SECISBP2: variants seen among roughly 807,000 people sequenced by gnomAD.
SECISBP2 encodes the protein selenocysteine insertion sequence-binding protein 2.
A neutral mutation model predicts 98.2 loss-of-function variants in SECISBP2; 96 were observed. The observed-to-expected ratio is 0.98, with a 90% CI of 0.83 to 1.16. SECISBP2 has a LOEUF of 1.16. SECISBP2 is among the 50% of genes most tolerant of loss of function. SECISBP2 has a pLI of 0.00. For synonymous variants in SECISBP2, 407 were observed against 370.2 expected, an observed-to-expected ratio of 1.10 and a Z score of -1.14; for missense variants, 1,046 against 1,022.9, an observed-to-expected ratio of 1.02 and a Z score of -0.31.
downstream of SECISBP2, among the ~76,000 whole-genome samples, chr9:89,360,563 AG>A (rs1832684332): frequency 6.6e-6 from 1 of 152,242 alleles, no homozygotes; most frequent in East Asian, 1.9e-4. Context: ...TAAACAGAGT[AG>A]GTAGGCTTTT....
downstream of SECISBP2, chr9:89,363,976 C>CT: frequency 6.2e-7 from 1 of 1,613,964 alleles, no homozygotes; most frequent in Admixed American, 1.7e-5. Flanking sequence ...GTTTCCACCT[C>CT]TGAGTCCACA....
chr9:89,319,024 C>T, intron 1 of SECISBP2: 1 of 1,027,202 alleles, frequency 9.7e-7, no homozygotes, highest in Non-Finnish European at 1.2e-6. Context: ...GGAGCCCTGG[C>T]GATCGCTTGC....
At chr9:89,366,594 C>T in the SECISBP2 span, among the ~76,000 whole-genome samples, 9 of 152,268 alleles carry the variant, frequency 5.9e-5, no homozygotes, top group East Asian at 1.9e-4. Context: ...CAGATAATTC[C>T]ATGTATCTAT....
At chr9:89,322,044 A>G (rs1172013764) in intron 2 of SECISBP2, among the ~76,000 whole-genome samples, 1 of 152,224 alleles carries the variant, frequency 6.6e-6, no homozygotes, top group African/African-American at 2.4e-5. Flanking sequence ...TCCTTAAAGA[A>G]GGTATAGTAA....
At chr9:89,364,690 A>G in the SECISBP2 span, 5 of 154,334 alleles carry the variant, frequency 3.2e-5, no homozygotes, top group South Asian at 2.0e-4. Flanking sequence ...TAGAGAGGCC[A>G]GTTACTTCAC....
In SECISBP2 at chr9:89,332,807, A is replaced by G; in HGVS notation, c.802-101A>G. The G allele has an allele frequency of 5.4e-6, 5 of 928,470 alleles. No individual in the cohort carries two copies. The South Asian group carries it at 5.5e-5, about 10-fold the overall frequency. 57.5% of individuals were successfully genotyped at this position (928,470 alleles called of 1,614,324 possible). A position where few individuals can be genotyped will look rare whatever the true frequency, so the allele number is the denominator to read the frequency against. ...TTTTCATTCTTACCAGCAATGGATA[A>G]GGATTTCTGTTGTCAAAGTGTTCTG... is the stretch of plus-strand genomic sequence containing the variant. On this transcript the variant is annotated intron_variant, in intron 5 of 16. Transcript: ENST00000375807.
At chr9:89,342,541 A>G (rs1210258903) in intron 10 of SECISBP2, among the ~76,000 whole-genome samples, 1 of 152,266 alleles carries the variant, frequency 6.6e-6, no homozygotes, top group African/African-American at 2.4e-5. Flanking sequence ...TTACCACATA[A>G]TGGTGTAAAC....
Position 89,357,446 on chromosome 9 carries a change from T to A in SECISBP2, c.2149T>A (p.Tyr717Asn). ...LDDTLHTIID[Y>N]ACEQNIPFVF... ...TGACACTTTGCACACAATTATTGAT[T>A]ATGCCTGTGAGCAGAACATTCCCTT... The change falls in exon 15 of 17, where the codon TAT (tyrosine) becomes AAT (asparagine). Residue 717 changes from tyrosine to asparagine, a missense_variant. Physicochemically the swap from Tyr to Asn is moderately radical, Grantham distance 143 (BLOSUM62 -2). Transcript: ENST00000375807. 1 of 1,614,170 alleles carries A rather than the reference T, an allele frequency of 6.2e-7. No individual in the cohort carries two copies. Among genetic ancestry groups the A allele is most frequent in the Middle Eastern group, 1.6e-4 (1 of 6,062 alleles).
Position 89,349,933 on chromosome 9 carries a change from A to G in SECISBP2, c.1892+4A>G. 1 of 1,613,906 alleles carries G rather than the reference A, an allele frequency of 6.2e-7. No homozygotes were observed. On this transcript the variant is annotated splice_donor_region_variant and intron_variant, in intron 13 of 16. Coordinates refer to ENST00000375807, the MANE Select transcript of SECISBP2 (RefSeq NM_024077.5). ...TCCACAGCCGCAGATTCAGGGAGTG[A>G]GTGAGCCCCTGCCTGCCAGGGACTA... is the stretch of plus-strand genomic sequence containing the variant.
At chr9:89,355,773 G>A (rs1269953067) in intron 14 of SECISBP2, among the ~76,000 whole-genome samples, 1 of 152,100 alleles carries the variant, frequency 6.6e-6, no homozygotes, top group Non-Finnish European at 1.5e-5. Flanking sequence ...AGGATTTATT[G>A]TGGTCTAAGA....
intron 2 of SECISBP2, chr9:89,323,203 A>G (rs935483114): frequency 2.0e-5 from 3 of 152,274 alleles, no homozygotes; most frequent in African/African-American, 7.2e-5. Flanking sequence ...TTTGGGATTT[A>G]TACGTGCTGA....
chr9:89,334,079 AAG>A, intron 6 of SECISBP2: 2 of 1,122,130 alleles, frequency 1.8e-6, no homozygotes, highest in South Asian at 2.1e-5. Flanking sequence ...TCTGTTCTAA[AAG>A]AAATAAATTA....
At chr9:89,352,320 T>A (rs577625818) in intron 14 of SECISBP2, among the ~76,000 whole-genome samples, 2 of 152,308 alleles carry the variant, frequency 1.3e-5, no homozygotes, top group Admixed American at 1.3e-4. Flanking sequence ...CACCCAGGGA[T>A]ACCCTTGGCT....
At chr9:89,323,223 A>C (rs1394974884) in intron 2 of SECISBP2, 1 of 152,268 alleles carries the variant, frequency 6.6e-6, no homozygotes, top group African/African-American at 2.4e-5. Flanking sequence ...AATTGGGAAA[A>C]AGTGAAATAG....
At chr9:89,323,823 A>G (rs1270522625) in intron 2 of SECISBP2, 1 of 152,218 alleles carries the variant, frequency 6.6e-6, no homozygotes, top group Non-Finnish European at 1.5e-5. Context: ...CTGGATGGAA[A>G]TGGAAAATAC....
At chr9:89,343,261 C>G (rs1829922146) in intron 10 of SECISBP2, among the ~76,000 whole-genome samples, 1 of 152,140 alleles carries the variant, frequency 6.6e-6, no homozygotes, top group East Asian at 1.9e-4. Context: ...AATTTTCCAC[C>G]ATAGGCTTTT....
At chr9:89,363,520 G>A (rs941372713), downstream of SECISBP2, 2 of 1,613,886 alleles carry the variant, frequency 1.2e-6, no homozygotes, top group Admixed American at 3.3e-5. Flanking sequence ...TCTCCTGGTG[G>A]GTCACTTCTG....
At chr9:89,320,660 C>T (rs540474750) in intron 2 of SECISBP2, among the ~76,000 whole-genome samples, 18 of 152,272 alleles carry the variant, frequency 1.2e-4, no homozygotes, top group Middle Eastern at 3.4e-3. Flanking sequence ...GGCTTAAGTT[C>T]TTCTAAATTT....
intron 5 of SECISBP2, among the ~76,000 whole-genome samples, chr9:89,331,893 A>G (rs1228169268): frequency 6.6e-6 from 1 of 152,224 alleles, no homozygotes; most frequent in African/African-American, 2.4e-5. Flanking sequence ...TAAAAATATG[A>G]TACACAAATG....
Sources: allele counts gnomAD v4.1 joint callset (sites outside exome capture counted in the v4.1 genomes callset), GRCh38; gene constraint gnomAD v4.1.1; transcripts MANE v1.5; gene names NCBI Gene and HGNC (gene_info 2026-07-23, HGNC 2026-07-21).